MSRB2: variants seen among roughly 807,000 people sequenced by gnomAD.
MSRB2 encodes the protein methionine sulfoxide reductase B2, also known as methionine-R-sulfoxide reductase B2, mitochondrial.
A neutral mutation model predicts 19.0 loss-of-function variants in MSRB2; 17 were observed. The observed-to-expected ratio is 0.89, with a 90% confidence interval of 0.61 to 1.34. The LOEUF (loss-of-function observed/expected upper bound fraction) is 1.34, where lower values mean the gene tolerates loss of function less well. Among genes scored for constraint, MSRB2 ranks in the 40% most tolerant of loss-of-function variants. MSRB2 has a pLI of 0.00. For synonymous variants in MSRB2, 107 were observed against 99.7 expected (o/e 1.07, Z -0.44); for missense variants, 208 against 237.6 (o/e 0.88, Z 0.82).
intron 2 of MSRB2, among the ~76,000 whole-genome samples, chr10:23,106,492 G>A (rs1564428671): frequency 6.6e-6 from 1 of 152,142 alleles, no homozygotes; most frequent in Admixed American, 6.6e-5. Context: ...CACTCTCCGC[G>A]GGCTCCCCTG....
In MSRB2 at chr10:23,121,110, A is replaced by G. The variant is rs991731275; in HGVS notation, c.*248A>G. 7.0e-6 allele frequency: 3 copies of G among 430,194 alleles called. No individual in the cohort carries two copies. The highest frequency in any genetic ancestry group is 5.9e-5 in the South Asian group (1 of 17,030). 26.6% of individuals were successfully genotyped at this position (430,194 alleles called of 1,614,324 possible). On this transcript the variant is annotated 3_prime_UTR_variant, in exon 5 of 5. Transcript: ENST00000376510. ...AGAATTTGAAAAAAAAAGAAAAACTAGAAAAATAAACAAAATTAAAAAGAA... is the reference window on the plus strand; with the variant it reads ...AGAATTTGAAAAAAAAAGAAAAACTGGAAAAATAAACAAAATTAAAAAGAA...
chr10:23,110,938 G>C (rs559248063), intron 3 of MSRB2, among the ~76,000 whole-genome samples: 1 of 152,096 alleles, frequency 6.6e-6, no homozygotes, highest in Non-Finnish European at 1.5e-5. Context: ...AAGTAGATTC[G>C]ATGGAGAAGA....
intron 2 of MSRB2, among the ~76,000 whole-genome samples, chr10:23,106,797 G>A (rs1032629974): frequency 2.0e-5 from 3 of 152,170 alleles, no homozygotes; most frequent in Non-Finnish European, 2.9e-5. Flanking sequence ...CCAGGGATGC[G>A]TTGCCCTCAC....
chr10:23,102,083 C>T (rs891676121), intron 1 of MSRB2, among the ~76,000 whole-genome samples: 1 of 152,142 alleles, frequency 6.6e-6, no homozygotes, highest in Non-Finnish European at 1.5e-5. Flanking sequence ...TAGGAAAAAT[C>T]TCATAGAGAT....
At chr10:23,109,915 C>T (rs1010544858) in intron 2 of MSRB2, among the ~76,000 whole-genome samples, 6 of 152,112 alleles carry the variant, frequency 3.9e-5, no homozygotes, top group African/African-American at 1.4e-4. Context: ...AAAGGGAGAC[C>T]GAAATCTCAC....
At chr10:23,108,421 C>T (rs1192373246) in intron 2 of MSRB2, among the ~76,000 whole-genome samples, 1 of 151,680 alleles carries the variant, frequency 6.6e-6, no homozygotes, top group Non-Finnish European at 1.5e-5. Flanking sequence ...GACTGGCAGT[C>T]CTGTTTTGCA....
chr10:23,115,821 T>C (rs1307081709), intron 3 of MSRB2, among the ~76,000 whole-genome samples: 1 of 152,216 alleles, frequency 6.6e-6, no homozygotes, highest in Non-Finnish European at 1.5e-5. Context: ...CATAAAATGC[T>C]TTAATGAGTT....
At chr10:23,103,707 A>G (rs1564427893) in intron 1 of MSRB2, among the ~76,000 whole-genome samples, 1 of 152,210 alleles carries the variant, frequency 6.6e-6, no homozygotes, top group Non-Finnish European at 1.5e-5. Context: ...ATAAACTAGC[A>G]AGGGAGAAGA....
At position 23,106,132 on chromosome 10, in the gene MSRB2, T is replaced by G. The variant is rs150711153; in HGVS notation, c.219+1888T>G. Among the ~76,000 whole-genome samples the G allele has an allele frequency of 1.6e-3, 240 of 152,348 alleles. 1 individual carries two copies. The highest frequency in any genetic ancestry group is 5.5e-3 in the African/African-American group (227 of 41,588). ...TTCTCAAACAGATGGTGCAATATAC[T>G]CTCTGCATTTGGCCATTTGACAAAA... On this transcript the variant is annotated intron_variant, in intron 2 of 4. Transcript: ENST00000376510.
At chr10:23,105,649 G>T (rs2131625491) in intron 2 of MSRB2, among the ~76,000 whole-genome samples, 1 of 152,304 alleles carries the variant, frequency 6.6e-6, no homozygotes, top group East Asian at 1.9e-4. Context: ...TTTGTTATTA[G>T]ATATTTTTAC....
chr10:23,099,171 G>T (rs191614935), intron 1 of MSRB2, among the ~76,000 whole-genome samples: 1 of 152,148 alleles, frequency 6.6e-6, no homozygotes, highest in Non-Finnish European at 1.5e-5. Context: ...GGAAGTTGGC[G>T]GGCAGGGAGT....
chr10:23,098,784 A>G (rs1839895209), intron 1 of MSRB2, among the ~76,000 whole-genome samples: 1 of 152,190 alleles, frequency 6.6e-6, no homozygotes, highest in Non-Finnish European at 1.5e-5. Context: ...TGTAATTTTT[A>G]TTTAAACTTT....
intron 1 of MSRB2, 151 bp downstream of exon 1, chr10:23,095,877 G>A (rs981835684): frequency 6.8e-5 from 30 of 441,264 alleles, no homozygotes; most frequent in African/African-American, 5.8e-4. Flanking sequence ...CCAGCCCGAG[G>A]ATCTGGGACA....
Position 23,117,188 on chromosome 10 carries a change from C to T in MSRB2, c.297-2116C>T, listed in dbSNP as rs542723550. Among the ~76,000 whole-genome samples the T allele has an allele frequency of 7.2e-5, 11 of 152,314 alleles. No homozygotes were observed. The South Asian group carries it at 2.1e-3, about 29-fold the overall frequency. ...GCCAAGGTGATACAGATGTAACAGA[C>T]AGATCCCAGATTCACACACAAATCT... On this transcript the variant is annotated intron_variant, in intron 3 of 4. Coordinates refer to ENST00000376510, the MANE Select transcript of MSRB2 (RefSeq NM_012228.4).
At chr10:23,096,469 C>T (rs1839871359) in intron 1 of MSRB2, among the ~76,000 whole-genome samples, 2 of 151,966 alleles carry the variant, frequency 1.3e-5, no homozygotes, top group Non-Finnish European at 2.9e-5. Flanking sequence ...TGCCAGCTAC[C>T]CCTGTATTTC....
rs538025424 is a variant in MSRB2 at position 23,095,667 on chromosome 10, C to T, written c.59C>T (p.Ala20Val). 357 of 1,348,424 alleles carry T rather than the reference C, an allele frequency of 2.6e-4. 1 individual carries two copies. The East Asian group carries it at 9.6e-3, about 36-fold the overall frequency. 83.5% of individuals were successfully genotyped at this position (1,348,424 alleles called of 1,614,324 possible). A position where few individuals can be genotyped will look rare whatever the true frequency, so the allele number is the denominator to read the frequency against. Residue 20 changes from alanine (A) to valine (V), a missense_variant, in exon 1 of 5, where the codon GCG (alanine) becomes GTG (valine). Coordinates refer to ENST00000376510, the MANE Select transcript of MSRB2 (RefSeq NM_012228.4). ...ACCCTCGGAACTGCGCCTCGGCGGG[C>T]GGTGCGGGGCCAAGCGGGCGGCGGC... ...GLTLGTAPRR[A>V]VRGQAGGGGP...
intron 2 of MSRB2, among the ~76,000 whole-genome samples, chr10:23,105,411 T>C (rs1839978059): frequency 6.6e-6 from 1 of 152,158 alleles, no homozygotes; most frequent in South Asian, 2.1e-4. Flanking sequence ...TCTTACTGTA[T>C]GTTTGTGGAC....
At chr10:23,109,761 C>G (rs1472202703) in intron 2 of MSRB2, among the ~76,000 whole-genome samples, 1 of 152,070 alleles carries the variant, frequency 6.6e-6, no homozygotes, top group Non-Finnish European at 1.5e-5. Context: ...TATGCTGTGT[C>G]CTAAACATTA....
chr10:23,096,273 C>T (rs562227809), intron 1 of MSRB2, among the ~76,000 whole-genome samples: 4 of 151,872 alleles, frequency 2.6e-5, no homozygotes, highest in Admixed American at 2.6e-4. Flanking sequence ...TCATTTGTTC[C>T]TTCTTTAAGG....
Sources: gnomAD v4.1 joint callset for allele counts (sites outside exome capture counted in the v4.1 genomes callset) on GRCh38, gnomAD v4.1.1 for gene constraint, MANE v1.5 for transcripts, NCBI Gene and HGNC (gene_info 2026-07-23, HGNC 2026-07-21) for gene names.